RBBP8: variants seen among roughly 807,000 people sequenced by gnomAD.
RBBP8 encodes DNA endonuclease RBBP8.
RBBP8 carries 88 observed loss-of-function variants against 108.3 expected under a neutral mutation model. The observed-to-expected ratio is 0.81, with a 90% CI of 0.68 to 0.97. The LOEUF (loss-of-function observed/expected upper bound fraction) is 0.97, where lower values mean the gene tolerates loss of function less well. Among genes scored for constraint, RBBP8 ranks in the 50% least tolerant of loss-of-function variants. RBBP8 has a pLI of 0.00. For missense variants in RBBP8, 1,023 were observed against 1,049.0 expected, an observed-to-expected ratio of 0.98 and a Z score of 0.34; for synonymous variants, 332 against 348.2, an observed-to-expected ratio of 0.95 and a Z score of 0.52.
Position 22,982,401 on chromosome 18 carries a change from T to C in RBBP8, c.604+8T>C, listed in dbSNP as rs1264333221. 1.1e-5 allele frequency: 18 copies of C among 1,613,350 alleles called. No homozygotes were observed. The highest frequency in any genetic ancestry group is 2.2e-5 in the South Asian group (2 of 91,046). On this transcript the variant is annotated splice_region_variant and intron_variant, in intron 7 of 18. Transcript: ENST00000327155. ...ACTCTGTGTGTGCAAATGGTAAGAGTTGGAGTTGTATTTTAGTTCTCTGGT... is the reference window on the plus strand; with the variant it reads ...ACTCTGTGTGTGCAAATGGTAAGAGCTGGAGTTGTATTTTAGTTCTCTGGT...
At chr18:22,977,565 G>GT (rs1298857106) in intron 6 of RBBP8, among the ~76,000 whole-genome samples, 1 of 152,034 alleles carries the variant, frequency 6.6e-6, no homozygotes, top group East Asian at 1.9e-4. Flanking sequence ...GTCTATACAC[G>GT]TAAGAGTTCA....
chr18:22,941,389 C>G (rs1911073085), intron 2 of RBBP8, among the ~76,000 whole-genome samples: 1 of 152,068 alleles, frequency 6.6e-6, no homozygotes, highest in Non-Finnish European at 1.5e-5. Context: ...CCAGGCTGGT[C>G]TTGAATTGCT....
rs200258304 is a variant in RBBP8 at position 22,953,735 on chromosome 18, T to TA, written c.248+4022_248+4023insA. Among the ~76,000 whole-genome samples, 394 of 144,590 alleles carry TA rather than the reference T, an allele frequency of 2.7e-3. 1 individual carries two copies. Among genetic ancestry groups the TA allele is most frequent in the African/African-American group, 9.2e-3 (372 of 40,494 alleles). 94.9% of individuals were successfully genotyped at this position (144,590 alleles called of 152,430 possible). Reference sequence around the variant, plus strand: ...TACTTTCTTTTATGTAGTCTATATATTTTTTTTTTATTTTTATTTTTCCCT... The same window carrying TA: ...TACTTTCTTTTATGTAGTCTATATATATTTTTTTTTATTTTTATTTTTCCCT... On this transcript the variant is annotated intron_variant, in intron 4 of 18. Transcript: ENST00000327155.
At position 23,022,175 on chromosome 18, in the gene RBBP8, C is replaced by G. The variant is rs760235924; in HGVS notation, c.2501C>G (p.Ser834Cys). Residue 834 changes from serine to cysteine, a missense_variant, in exon 18 of 19, where the codon TCC becomes TGC. Ser to Cys is a moderately radical substitution (Grantham distance 112). Coordinates refer to ENST00000327155, the MANE Select transcript of RBBP8 (RefSeq NM_002894.3). The stretch of plus-strand genomic sequence containing the variant: ...GAAGAAAGAGAAAAGAAATTGGCTT[C>G]CTGCTCAAGACACCGATTCCGCTAC... Reference protein sequence around the residue: ...PAEEREKKLASCSRHRFRYIP... With the variant: ...PAEEREKKLACCSRHRFRYIP... 18 of 1,610,952 alleles carry G rather than the reference C, an allele frequency of 1.1e-5. No individual in the cohort carries two copies. The highest frequency in any genetic ancestry group is 1.4e-5 in the Non-Finnish European group (17 of 1,177,226).
At chr18:23,016,747 A>T (rs2144819798) in intron 16 of RBBP8, 81 bp from the exon 17 acceptor site, 1 of 1,094,886 alleles carries the variant, frequency 9.1e-7, no homozygotes, top group Non-Finnish European at 1.4e-6. Context: ...TAAACATTTC[A>T]AATAAAAATG....
At chr18:22,998,660 C>T (rs1407652905) in intron 14 of RBBP8, among the ~76,000 whole-genome samples, 1 of 152,228 alleles carries the variant, frequency 6.6e-6, no homozygotes, top group South Asian at 2.1e-4. Flanking sequence ...GTGTGCATTC[C>T]TTATCTTCTG....
intron 4 of RBBP8, among the ~76,000 whole-genome samples, chr18:22,965,262 C>T (rs888265146): frequency 6.6e-6 from 1 of 151,512 alleles, no homozygotes; most frequent in African/African-American, 2.4e-5. Context: ...TTCTCAGATG[C>T]CTTTTGATAC....
chr18:22,979,719 C>A (rs1422668642), intron 6 of RBBP8, among the ~76,000 whole-genome samples: 1 of 152,190 alleles, frequency 6.6e-6, no homozygotes, highest in African/African-American at 2.4e-5. Flanking sequence ...CAATTCAATT[C>A]AAACCCAATC....
intron 2 of RBBP8, 22 bp from the exon 3 acceptor site, chr18:22,946,422 A>G: frequency 6.2e-7 from 1 of 1,611,410 alleles, no homozygotes; most frequent in Non-Finnish European, 8.5e-7. Context: ...TAGAAGTAAT[A>G]CCTTTTCTTT....
At chr18:23,014,641 C>G (rs1377649452) in intron 16 of RBBP8, among the ~76,000 whole-genome samples, 1 of 152,092 alleles carries the variant, frequency 6.6e-6, no homozygotes, top group Non-Finnish European at 1.5e-5. Context: ...TTAAAACAAA[C>G]TAACTAAATA....
In RBBP8 at chr18:22,993,409, A is replaced by G; in HGVS notation, c.1582A>G (p.Ile528Val). The G allele has an allele frequency of 6.2e-7, 1 of 1,614,282 alleles. No individual in the cohort carries two copies. The highest frequency in any genetic ancestry group is 8.5e-7 in the Non-Finnish European group (1 of 1,180,048). Residue 528 changes from isoleucine to valine, a missense_variant, in exon 11 of 19, where the codon ATT (isoleucine) becomes GTT (valine). Coordinates refer to ENST00000327155, the MANE Select transcript of RBBP8 (RefSeq NM_002894.3). ...GACTCTTTATGAGGCTTTGAAGACC[A>G]TTCCAAAGGGCTTTTCCTCAAGCCG... ...QVTLYEALKTIPKGFSSSRKA... is the reference protein window; with the variant it reads ...QVTLYEALKTVPKGFSSSRKA...
intron 8 of RBBP8, among the ~76,000 whole-genome samples, chr18:22,985,317 C>A (rs944465208): frequency 6.6e-6 from 1 of 152,022 alleles, no homozygotes; most frequent in Non-Finnish European, 1.5e-5. Flanking sequence ...AGCTTATGAT[C>A]TAGTTGAGGG....
chr18:22,937,073 G>C, intron 2 of RBBP8, 113 bp downstream of exon 2: 1 of 1,526,786 alleles, frequency 6.5e-7, no homozygotes, highest in South Asian at 1.2e-5. Context: ...TTAGGTTCCG[G>C]GGGTACATGT....
chr18:22,985,329 G>C (rs564504393), intron 8 of RBBP8, among the ~76,000 whole-genome samples: 1 of 152,216 alleles, frequency 6.6e-6, no homozygotes, highest in African/African-American at 2.4e-5. Context: ...AGTTGAGGGA[G>C]AAATAAAATT....
chr18:22,951,830 T>C (rs887871370), intron 4 of RBBP8, among the ~76,000 whole-genome samples: 1 of 152,270 alleles, frequency 6.6e-6, no homozygotes, highest in African/African-American at 2.4e-5. Context: ...TTACAAAAAA[T>C]TTGTTAAAGG....
At chr18:22,959,163 G>A (rs1455662905) in intron 4 of RBBP8, among the ~76,000 whole-genome samples, 1 of 152,050 alleles carries the variant, frequency 6.6e-6, no homozygotes, top group Non-Finnish European at 1.5e-5. Flanking sequence ...GAAGGCACAG[G>A]AACTAAATTT....
chr18:22,980,305 A>G (rs1407841784), intron 6 of RBBP8, among the ~76,000 whole-genome samples: 2 of 152,192 alleles, frequency 1.3e-5, no homozygotes, highest in Non-Finnish European at 2.9e-5. Flanking sequence ...AAAGCAGTAA[A>G]TGCTGTGGAT....
At chr18:23,024,277 T>C (rs1452026425) in intron 18 of RBBP8, among the ~76,000 whole-genome samples, 1 of 152,150 alleles carries the variant, frequency 6.6e-6, no homozygotes, top group African/African-American at 2.4e-5. Context: ...AAAACTCATT[T>C]GTTATTAAAT....
At chr18:23,017,602 C>T (rs1468868813) in intron 17 of RBBP8, among the ~76,000 whole-genome samples, 2 of 150,290 alleles carry the variant, frequency 1.3e-5, no homozygotes. Context: ...TGTAGTGAGC[C>T]GAGATTGCAC....
Sources: gnomAD v4.1 joint callset for allele counts (sites outside exome capture counted in the v4.1 genomes callset) on GRCh38, gnomAD v4.1.1 for gene constraint, MANE v1.5 for transcripts, NCBI Gene and HGNC (gene_info 2026-07-23, HGNC 2026-07-21) for gene names.